Variants in RBFOX1 observed in about 807,000 individuals in gnomAD.
RBFOX1 encodes RNA binding protein fox-1 homolog 1.
A neutral mutation model predicts 57.7 loss-of-function variants in RBFOX1; 8 were observed. That is an observed-to-expected ratio of 0.14 (90% CI 0.08 to 0.25). RBFOX1 has a LOEUF of 0.25. Ranked by LOEUF, RBFOX1 falls within the 10% of genes least tolerant of loss-of-function variation. The pLI, the probability that RBFOX1 is intolerant of heterozygous loss-of-function variation, is 1.00. For missense variants in RBFOX1, 611 were observed against 548.5 expected, an observed-to-expected ratio of 1.11 and a Z score of -1.14; for synonymous variants, 326 against 222.4, an observed-to-expected ratio of 1.47 and a Z score of -4.15.
At chr16:6,774,671 C>A (rs868251380) in intron 3 of RBFOX1, among the ~76,000 whole-genome samples, 1 of 151,986 alleles carries the variant, frequency 6.6e-6, no homozygotes. Context: ...GTATTCTTGA[C>A]AGTAAATTAG....
intron 2 of RBFOX1, among the ~76,000 whole-genome samples, chr16:6,546,795 A>T (rs2096902546): frequency 6.6e-6 from 1 of 152,142 alleles, no homozygotes; most frequent in South Asian, 2.1e-4. Flanking sequence ...TTCCATTTTC[A>T]CAAATGGGGT....
At chr16:6,741,492 T>C (rs2072096874) in intron 3 of RBFOX1, among the ~76,000 whole-genome samples, 1 of 151,864 alleles carries the variant, frequency 6.6e-6, no homozygotes, top group Admixed American at 6.6e-5. Context: ...GGCGAAACCC[T>C]GTCTGTATTA....
intron 4 of RBFOX1, among the ~76,000 whole-genome samples, chr16:7,195,933 T>A (rs966923380): frequency 3.9e-5 from 6 of 152,136 alleles, no homozygotes; most frequent in African/African-American, 1.4e-4. Context: ...CCACGTGATA[T>A]GATTTTTTCT....
intron 3 of RBFOX1, among the ~76,000 whole-genome samples, chr16:6,934,534 C>T (rs1030798535): frequency 6.6e-6 from 1 of 151,934 alleles, no homozygotes; most frequent in Middle Eastern, 3.2e-3. Context: ...CAGTGGAGTA[C>T]TATTTGGACA....
chr16:6,982,817 G>T (rs950175770), intron 3 of RBFOX1, among the ~76,000 whole-genome samples: 1 of 151,870 alleles, frequency 6.6e-6, no homozygotes, highest in Non-Finnish European at 1.5e-5. Context: ...ACATGGCGGA[G>T]CCCTGTCTCT....
chr16:7,180,342 T>G (rs2082455879), intron 4 of RBFOX1, among the ~76,000 whole-genome samples: 1 of 152,092 alleles, frequency 6.6e-6, no homozygotes, highest in Non-Finnish European at 1.5e-5. Flanking sequence ...CTAAGAGAAG[T>G]TCAGTTACAG....
chr16:5,442,837 G>C (rs979654158), intron 1 of RBFOX1, among the ~76,000 whole-genome samples: 1 of 152,110 alleles, frequency 6.6e-6, no homozygotes, highest in Non-Finnish European at 1.5e-5. Flanking sequence ...ATGCAACCTT[G>C]GAAATAAGGT....
At chr16:7,351,779 G>C (rs1002631177) in intron 4 of RBFOX1, among the ~76,000 whole-genome samples, 6 of 152,146 alleles carry the variant, frequency 3.9e-5, no homozygotes, top group Non-Finnish European at 8.8e-5. Context: ...TGCTTTTCCA[G>C]ATTTTAGGAG....
chr16:6,064,289 C>T (rs77776039), intron 1 of RBFOX1, among the ~76,000 whole-genome samples: 7,769 of 152,194 alleles, frequency 0.051, 538 homozygotes, highest in African/African-American at 0.16. Context: ...ATAATTTTAG[C>T]TACAGTGGAT....
chr16:6,674,043 A>G (rs2154113988), intron 3 of RBFOX1, among the ~76,000 whole-genome samples: 1 of 152,278 alleles, frequency 6.6e-6, no homozygotes, highest in East Asian at 1.9e-4. Context: ...CTATTTTAGG[A>G]TTACCCTAGG....
rs1198363060 is a variant in RBFOX1, at chr16:6,041,130, C to T, written c.-127+21138C>T. ...TTCTTCCCTCCCTGCTCTCCCCCTG[C>T]AGGTTCCTGGCAACCACTCATCTTT... On this transcript the variant is annotated intron_variant, in intron 1 of 15. Coordinates refer to ENST00000550418, the MANE Select transcript of RBFOX1 (RefSeq NM_018723.4). 6.6e-5 allele frequency among the ~76,000 whole-genome samples: 10 copies of T among 152,322 alleles called. No homozygotes were observed. The East Asian group carries it at 1.7e-3, about 26-fold the overall frequency.
intron 2 of RBFOX1, among the ~76,000 whole-genome samples, chr16:6,650,892 T>C (rs2098585308): frequency 6.6e-6 from 1 of 152,146 alleles, no homozygotes; most frequent in Admixed American, 6.5e-5. Context: ...GTTTTTTGGT[T>C]GTTTAATTGA....
chr16:6,915,375 C>T (rs558056001), intron 3 of RBFOX1, among the ~76,000 whole-genome samples: 12 of 152,292 alleles, frequency 7.9e-5, no homozygotes, highest in Middle Eastern at 3.4e-3. Context: ...AAAGGAAACA[C>T]GCAGCTTCCC....
chr16:6,878,523 T>C (rs1158692947), intron 3 of RBFOX1, among the ~76,000 whole-genome samples: 3 of 152,220 alleles, frequency 2.0e-5, no homozygotes, highest in African/African-American at 7.2e-5. Flanking sequence ...TTGTTATTCC[T>C]GGACCTTTTA....
In RBFOX1 at chr16:6,815,744, A is replaced by G. The variant is rs192172194; in HGVS notation, c.-16+161094A>G. Among the ~76,000 whole-genome samples, 67 of 152,300 alleles carry G rather than the reference A, an allele frequency of 4.4e-4. 1 individual carries two copies. Among genetic ancestry groups the G allele is most frequent in the African/African-American group, 1.5e-3 (64 of 41,568 alleles). ...CCCACTCTTCTCTCTGGTCCCCAGC[A>G]AAAAGTCTATAGTTTGCAGCCAAAC... On this transcript the variant is annotated intron_variant, in intron 3 of 15. Coordinates refer to ENST00000550418, the MANE Select transcript of RBFOX1 (RefSeq NM_018723.4).
At chr16:7,001,470 A>G (rs563094159) in intron 3 of RBFOX1, among the ~76,000 whole-genome samples, 1 of 152,044 alleles carries the variant, frequency 6.6e-6, no homozygotes, top group African/African-American at 2.4e-5. Context: ...GTGTATGTAT[A>G]TTTTGAGATG....
At chr16:6,876,559 A>G (rs906189513) in intron 3 of RBFOX1, among the ~76,000 whole-genome samples, 3 of 152,196 alleles carry the variant, frequency 2.0e-5, no homozygotes, top group East Asian at 3.9e-4. Context: ...AGTCACTTCT[A>G]TAAAAATTAA....
At chr16:7,333,178 T>C (rs2096723857) in intron 4 of RBFOX1, 7 of 1,261,772 alleles carry the variant, frequency 5.5e-6, no homozygotes, top group Non-Finnish European at 8.0e-6. Flanking sequence ...GCAAACACTT[T>C]TAATACAGGA....
intron 3 of RBFOX1, among the ~76,000 whole-genome samples, chr16:6,735,485 A>G (rs765002117): frequency 6.4e-4 from 97 of 152,290 alleles, no homozygotes; most frequent in Admixed American, 1.6e-3. Flanking sequence ...CAGAGTATAC[A>G]TATTTCAACA....
Sources: allele counts gnomAD v4.1 joint callset (sites outside exome capture counted in the v4.1 genomes callset), GRCh38; gene constraint gnomAD v4.1.1; transcripts MANE v1.5; gene names NCBI Gene and HGNC (gene_info 2026-07-23, HGNC 2026-07-21).